The following CFAP61 variants were observed in gnomAD, a reference collection of about 807,000 sequenced individuals.
The protein encoded by CFAP61 is cilia and flagella associated protein 61.
Under a neutral mutation model 135.6 loss-of-function variants are expected in CFAP61, and 107 were observed. That is an observed-to-expected ratio of 0.79 (90% confidence interval 0.67 to 0.93). The LOEUF is 0.93. Ranked by LOEUF, CFAP61 falls within the 40% of genes least tolerant of loss-of-function variation. The pLI, the probability that CFAP61 is intolerant of heterozygous loss-of-function variation, is 0.00. For synonymous variants in CFAP61, 575 were observed against 578.5 expected, an observed-to-expected ratio of 0.99 and a Z score of 0.09; for missense variants, 1,507 against 1,556.2, an observed-to-expected ratio of 0.97 and a Z score of 0.53.
At chr20:20,227,745 C>A (rs563888163) in intron 17 of CFAP61, among the ~76,000 whole-genome samples, 1 of 152,196 alleles carries the variant, frequency 6.6e-6, no homozygotes, top group South Asian at 2.1e-4. Flanking sequence ...TGAGCATCTA[C>A]TGTCCACAAG....
intron 16 of CFAP61, 163 bp from the exon 17 acceptor site, chr20:20,199,605 T>G (rs567085370): frequency 3.6e-4 from 77 of 212,142 alleles, no homozygotes; most frequent in African/African-American, 1.7e-3. Context: ...TATCTACAAT[T>G]CATTCCTCTG....
At chr20:20,181,912 G>A (rs1438823955) in intron 13 of CFAP61, among the ~76,000 whole-genome samples, 1 of 152,238 alleles carries the variant, frequency 6.6e-6, no homozygotes, top group Admixed American at 6.5e-5. Context: ...GGGACTGAAA[G>A]ATGGGAGCCA....
chr20:20,246,615 G>A (rs112129744), intron 19 of CFAP61, among the ~76,000 whole-genome samples: 67 of 152,308 alleles, frequency 4.4e-4, no homozygotes, highest in African/African-American at 1.6e-3. Flanking sequence ...CAGCTGATCA[G>A]GCAAAGAACT....
At chr20:20,330,467 T>C (rs1373540771) in intron 25 of CFAP61, among the ~76,000 whole-genome samples, 1 of 152,096 alleles carries the variant, frequency 6.6e-6, no homozygotes, top group Non-Finnish European at 1.5e-5. Flanking sequence ...TCCTGAGTAG[T>C]TGGGATTACA....
chr20:20,196,164 C>A (rs2056270938), intron 15 of CFAP61, among the ~76,000 whole-genome samples: 1 of 152,212 alleles, frequency 6.6e-6, no homozygotes, highest in Non-Finnish European at 1.5e-5. Flanking sequence ...TCAGAGAACA[C>A]CAGTGGCTCT....
intron 19 of CFAP61, among the ~76,000 whole-genome samples, chr20:20,251,309 TCACACACACACACATACAGATAAACA>T (rs1310665468): frequency 1.3e-5 from 2 of 149,720 alleles, no homozygotes; most frequent in African/African-American, 4.9e-5. Context: ...ATGAGTGATT[TCACACACACACACATACAGATAAACA>T]CACACACACA....
intron 18 of CFAP61, among the ~76,000 whole-genome samples, chr20:20,236,407 G>C (rs1196206595): frequency 1.3e-5 from 2 of 152,120 alleles, no homozygotes; most frequent in East Asian, 3.8e-4. Context: ...ATTTCCCCCT[G>C]TAATTGCTCA....
intron 24 of CFAP61, among the ~76,000 whole-genome samples, chr20:20,291,721 G>A (rs942780543): frequency 1.3e-5 from 2 of 152,204 alleles, no homozygotes; most frequent in Non-Finnish European, 2.9e-5. Flanking sequence ...AAAAGCAGAA[G>A]CTGTGCAGTT....
chr20:20,126,551 C>T (rs1489169321), intron 8 of CFAP61, among the ~76,000 whole-genome samples: 1 of 151,860 alleles, frequency 6.6e-6, no homozygotes, highest in Non-Finnish European at 1.5e-5. Context: ...GCCCCAATCC[C>T]TTCTAGCTTA....
intron 25 of CFAP61, among the ~76,000 whole-genome samples, chr20:20,339,177 G>C (rs950689560): frequency 1.3e-5 from 2 of 152,206 alleles, no homozygotes; most frequent in Non-Finnish European, 1.5e-5. Context: ...ACGGCAGGCT[G>C]TGTGGGTTAC....
chr20:20,052,538 C>G lies in CFAP61; in HGVS notation c.-90C>G. The G allele has an allele frequency of 1.2e-6, 2 of 1,614,226 alleles. No individual in the cohort carries two copies. Among genetic ancestry groups the G allele is most frequent in the East Asian group, 2.2e-5 (1 of 44,878 alleles). Reference sequence around the variant, plus strand: ...CACCGTTTCCATGGTGACCAGGCTGCGCGTCCTCCTTGCGGCAGCGCGTGG... The same window carrying G: ...CACCGTTTCCATGGTGACCAGGCTGGGCGTCCTCCTTGCGGCAGCGCGTGG... On this transcript the variant is annotated 5_prime_UTR_variant, in exon 1 of 27. Transcript: ENST00000245957.
chr20:20,183,349 A>G (rs1251179197), intron 13 of CFAP61, among the ~76,000 whole-genome samples: 1 of 152,014 alleles, frequency 6.6e-6, no homozygotes, highest in Non-Finnish European at 1.5e-5. Flanking sequence ...TTTAGTAGAG[A>G]TGGAGTTTCA....
At chr20:20,057,389 G>A (rs1472965996) in intron 2 of CFAP61, among the ~76,000 whole-genome samples, 2 of 152,064 alleles carry the variant, frequency 1.3e-5, no homozygotes, top group East Asian at 3.9e-4. Flanking sequence ...CTTAAAACAA[G>A]TTAATAATAT....
chr20:20,108,781 G>A (rs2048588438), intron 8 of CFAP61, among the ~76,000 whole-genome samples: 1 of 151,344 alleles, frequency 6.6e-6, no homozygotes, highest in South Asian at 2.1e-4. Context: ...AGTTGTTGGA[G>A]CACCTTGGAA....
Position 20,288,614 on chromosome 20 carries a change from C to T in CFAP61, c.2802C>T (p.Phe934=), listed in dbSNP as rs1276169252. The change falls in exon 23 of 27, where the codon TTC becomes TTT. Residue 934 remains phenylalanine (F), a synonymous_variant. Coordinates refer to ENST00000245957, the MANE Select transcript of CFAP61 (RefSeq NM_015585.4). The part of the protein sequence containing the change: ...TKPFRLQCSM[F]FSFCEKNVDY... ...TGTAATTGTTCACTTCGTAGATGTT[C>T]TTCAGCTTCTGTGAGAAGAATGTGG... 1.9e-6 allele frequency: 3 copies of T among 1,610,958 alleles called. No homozygotes were observed. Among genetic ancestry groups the T allele is most frequent in the South Asian group, 2.2e-5 (2 of 90,966 alleles).
chr20:20,052,760 T>G, intron 1 of CFAP61, 169 bp downstream of exon 1: 1 of 1,554,334 alleles, frequency 6.4e-7, no homozygotes, highest in South Asian at 1.2e-5. Context: ...ATCTGGATGC[T>G]CGAGGGCGGG....
chr20:20,146,606 G>T (rs2051906163), intron 9 of CFAP61, among the ~76,000 whole-genome samples: 1 of 152,120 alleles, frequency 6.6e-6, no homozygotes, highest in African/African-American at 2.4e-5. Flanking sequence ...TATATCTTGA[G>T]GATAACATTA....
chr20:20,277,088 A>G, intron 21 of CFAP61, 78 bp from the exon 22 acceptor site: 1 of 1,158,860 alleles, frequency 8.6e-7, no homozygotes, highest in Non-Finnish European at 1.2e-6. Context: ...ATACGGAGCA[A>G]TTCGGCATTA....
chr20:20,153,363 A>T (rs906210442), intron 9 of CFAP61, among the ~76,000 whole-genome samples: 5 of 152,166 alleles, frequency 3.3e-5, no homozygotes, highest in Non-Finnish European at 5.9e-5. Context: ...GAAAAGAAAT[A>T]AAAAGATCAG....
Sources: gnomAD v4.1 joint callset for allele counts (sites outside exome capture counted in the v4.1 genomes callset) on GRCh38, gnomAD v4.1.1 for gene constraint, MANE v1.5 for transcripts, NCBI Gene and HGNC (gene_info 2026-07-23, HGNC 2026-07-21) for gene names.